Variants in TOP6BL observed in about 807,000 individuals in gnomAD.
TOP6BL encodes type 2 DNA topoisomerase 6 subunit B-like.
the TOP6BL span, among the ~76,000 whole-genome samples, chr11:66,790,430 G>A: frequency 6.6e-6 from 1 of 152,186 alleles, no homozygotes; most frequent in Non-Finnish European, 1.5e-5. Flanking sequence ...TCTAATCCAT[G>A]GGAAGAGGTT....
the TOP6BL span, chr11:66,828,388 T>C: frequency 1.3e-6 from 2 of 1,557,156 alleles, no homozygotes; most frequent in Non-Finnish European, 1.8e-6. Flanking sequence ...ATCAGTACTT[T>C]GGTGGGAATC....
At chr11:66,815,416 T>C in the TOP6BL span, among the ~76,000 whole-genome samples, 1 of 152,144 alleles carries the variant, frequency 6.6e-6, no homozygotes, top group African/African-American at 2.4e-5. Context: ...TTCTAAAGGA[T>C]CAAGGTGCTA....
At chr11:66,786,768 G>A in the TOP6BL span, among the ~76,000 whole-genome samples, 1 of 152,308 alleles carries the variant, frequency 6.6e-6, no homozygotes, top group African/African-American at 2.4e-5. Context: ...TGGTGAAACT[G>A]AAGATTGACG....
At chr11:66,824,397 C>T in the TOP6BL span, among the ~76,000 whole-genome samples, 1 of 149,660 alleles carries the variant, frequency 6.7e-6, no homozygotes, top group South Asian at 2.1e-4. Context: ...AGGCATGCAC[C>T]ACCATGCCTG....
At chr11:66,810,426 G>A in the TOP6BL span, among the ~76,000 whole-genome samples, 21,793 of 152,140 alleles carry the variant, frequency 0.14, 2,180 homozygotes, top group East Asian at 0.28. Flanking sequence ...TCCAAGACAG[G>A]TTTCAATCAG....
chr11:66,843,257 C>T, the TOP6BL span: 1 of 1,606,110 alleles, frequency 6.2e-7, no homozygotes, highest in Non-Finnish European at 8.5e-7. Flanking sequence ...TCCGCAAGCG[C>T]CCACCGATCC....
chr11:66,794,840 T>C, the TOP6BL span, among the ~76,000 whole-genome samples: 9 of 152,130 alleles, frequency 5.9e-5, no homozygotes, highest in Non-Finnish European at 1.2e-4. Context: ...TAAAAAAATC[T>C]ACAAAGAAGG....
At chr11:66,784,409 G>C in the TOP6BL span, among the ~76,000 whole-genome samples, 3 of 151,450 alleles carry the variant, frequency 2.0e-5, no homozygotes, top group African/African-American at 2.4e-5. Flanking sequence ...TGGTCCTCCC[G>C]CCTTGGCCTC....
chr11:66,800,974 A>G, the TOP6BL span: 1 of 1,580,604 alleles, frequency 6.3e-7, no homozygotes, highest in East Asian at 2.2e-5. Flanking sequence ...ATTTATGTCA[A>G]ACAGAGATTG....
the TOP6BL span, chr11:66,796,060 G>C: frequency 2.2e-6 from 1 of 463,990 alleles, no homozygotes; most frequent in Non-Finnish European, 3.9e-6. Flanking sequence ...CTTTATTCTC[G>C]TGTCTTCTGA....
chr11:66,839,135 T>G, the TOP6BL span: 1 of 456,166 alleles, frequency 2.2e-6, no homozygotes, highest in Non-Finnish European at 4.4e-6. Context: ...CCTGCAGTGC[T>G]TAAACAGCCT....
chr11:66,826,422 A>C, the TOP6BL span, among the ~76,000 whole-genome samples: 1 of 152,156 alleles, frequency 6.6e-6, no homozygotes, highest in Non-Finnish European at 1.5e-5. Context: ...TGGTTCAGTT[A>C]ATACCTTTAT....
At chr11:66,793,025 A>G in the TOP6BL span, among the ~76,000 whole-genome samples, 1 of 152,184 alleles carries the variant, frequency 6.6e-6, no homozygotes, top group African/African-American at 2.4e-5. Flanking sequence ...CACTGTTAAC[A>G]TGCATGAATA....
At chr11:66,842,061 G>C in the TOP6BL span, among the ~76,000 whole-genome samples, 1 of 152,064 alleles carries the variant, frequency 6.6e-6, no homozygotes, top group Non-Finnish European at 1.5e-5. Flanking sequence ...AGCCGGTGTG[G>C]TGGCATGCGC....
the TOP6BL span, among the ~76,000 whole-genome samples, chr11:66,829,527 A>C: frequency 5.4e-3 from 816 of 151,944 alleles, 4 homozygotes; most frequent in African/African-American, 0.019. Flanking sequence ...GTGAACCAAG[A>C]TCACACCACT....
the TOP6BL span, among the ~76,000 whole-genome samples, chr11:66,790,210 A>G: frequency 6.6e-6 from 1 of 152,102 alleles, no homozygotes; most frequent in Non-Finnish European, 1.5e-5. Context: ...CGGAGCTTGA[A>G]GTGAGCCGAG....
At chr11:66,834,808 A>C in the TOP6BL span, among the ~76,000 whole-genome samples, 1 of 152,148 alleles carries the variant, frequency 6.6e-6, no homozygotes, top group South Asian at 2.1e-4. Flanking sequence ...CAGCCTCCTG[A>C]GTAACTGGAA....
chr11:66,764,496 CAAAAAA>C, the TOP6BL span, among the ~76,000 whole-genome samples: 10 of 58,672 alleles, frequency 1.7e-4, no homozygotes, highest in African/African-American at 5.3e-4. Context: ...ACTAAAAATA[CAAAAAA>C]AAAAAAAAAA....
chr11:66,762,190 C>T, the TOP6BL span: 152 of 711,548 alleles, frequency 2.1e-4, 1 homozygote, highest in African/African-American at 2.4e-3. Flanking sequence ...CTCCTTCGCA[C>T]GCCACACCCA....
Sources: allele counts gnomAD v4.1 joint callset (sites outside exome capture counted in the v4.1 genomes callset), GRCh38; gene constraint gnomAD v4.1.1; transcripts MANE v1.5; gene names NCBI Gene and HGNC (gene_info 2026-07-23, HGNC 2026-07-21).